The following SLC35F2 variants were observed in gnomAD, a reference collection of about 807,000 sequenced individuals.
SLC35F2 encodes the protein queuine/queuosine transporter SLC35F2.
Under a neutral mutation model 38.1 loss-of-function variants are expected in SLC35F2, and 25 were observed. The observed-to-expected ratio is 0.66, with a 90% CI of 0.48 to 0.92. The LOEUF (loss-of-function observed/expected upper bound fraction) is 0.92. Ranked by LOEUF, SLC35F2 falls within the 40% of genes least tolerant of loss-of-function variation. The pLI, the probability that SLC35F2 is intolerant of heterozygous loss-of-function variation, is 0.00. For missense variants in SLC35F2, 409 were observed against 452.9 expected (o/e 0.90, Z 0.88); for synonymous variants, 173 against 181.7 (o/e 0.95, Z 0.38).
At chr11:107,819,285 T>C (rs1265837136) in intron 1 of SLC35F2, among the ~76,000 whole-genome samples, 1 of 152,208 alleles carries the variant, frequency 6.6e-6, no homozygotes, top group East Asian at 1.9e-4. Flanking sequence ...TATTACTTCA[T>C]GTAGCTGAGT....
At chr11:107,794,522 A>G (rs983828734) in intron 7 of SLC35F2, among the ~76,000 whole-genome samples, 1 of 152,220 alleles carries the variant, frequency 6.6e-6, no homozygotes, top group African/African-American at 2.4e-5. Context: ...TTTCCTTTCA[A>G]CTGGAAAAGC....
intron 1 of SLC35F2, among the ~76,000 whole-genome samples, chr11:107,826,354 A>G (rs12292050): frequency 0.058 from 8,724 of 150,774 alleles, 516 homozygotes; most frequent in African/African-American, 0.15. Context: ...TGGGCTCACC[A>G]CAACCTCCGC....
At chr11:107,853,176 C>T (rs1042133569) in intron 1 of SLC35F2, among the ~76,000 whole-genome samples, 3 of 152,294 alleles carry the variant, frequency 2.0e-5, no homozygotes, top group African/African-American at 7.2e-5. Flanking sequence ...AAAACTCATT[C>T]AGGCTTCATA....
At chr11:107,799,887 GTT>G (rs72304654) in intron 7 of SLC35F2, among the ~76,000 whole-genome samples, 13,929 of 100,234 alleles carry the variant, frequency 0.14, 1,638 homozygotes, top group African/African-American at 0.37. Flanking sequence ...GTTTTTGTTT[GTT>G]TTTGTTTTTT....
intron 6 of SLC35F2, among the ~76,000 whole-genome samples, chr11:107,803,851 A>T (rs536883418): frequency 6.6e-6 from 1 of 151,358 alleles, no homozygotes; most frequent in African/African-American, 2.4e-5. Context: ...TTTGAGACGG[A>T]GTCTCGCACT....
chr11:107,813,679 C>T (rs1313815402), intron 2 of SLC35F2, among the ~76,000 whole-genome samples: 1 of 151,752 alleles, frequency 6.6e-6, no homozygotes, highest in African/African-American at 2.4e-5. Context: ...CTTTTTTTTC[C>T]TTTGGAGACA....
Position 107,791,150 on chromosome 11 carries a change from T to TATC in SLC35F2, c.*1462_*1464dup, listed in dbSNP as rs1474684586. ...ATATTAACACTTTGTATTGAAGAAGTATCATAAAAATCACAGGGCATTACA... is the reference window on the plus strand; with the variant it reads ...ATATTAACACTTTGTATTGAAGAAGTATCATCATAAAAATCACAGGGCATTACA... On this transcript the variant is annotated 3_prime_UTR_variant, in exon 8 of 8. Transcript: ENST00000525815. 9.8e-5 allele frequency: 15 copies of TATC among 152,352 alleles called. No homozygotes were observed. The highest frequency in any genetic ancestry group is 3.6e-4 in the African/African-American group (15 of 41,160). 9.4% of individuals were successfully genotyped at this position (152,352 alleles called of 1,614,324 possible).
In SLC35F2 at chr11:107,803,161, G is replaced by C; in HGVS notation, c.785-6C>G. ...AAATGCCACGAACAGCAGGGCTGTG[G>C]AAAAAAACATGGAATATCTAATATT... On this transcript the variant is annotated splice_polypyrimidine_tract_variant and splice_region_variant and intron_variant, in intron 6 of 7. Coordinates refer to ENST00000525815, the MANE Select transcript of SLC35F2 (RefSeq NM_017515.5). The C allele has an allele frequency of 6.3e-7, 1 of 1,588,552 alleles. No individual in the cohort carries two copies. The highest frequency in any genetic ancestry group is 1.2e-5 in the South Asian group (1 of 86,288).
rs71303238 is a variant in SLC35F2 at position 107,800,903 on chromosome 11, C to CTTTTTTTT, written c.939+2090_939+2097dup. Among the ~76,000 whole-genome samples, 14 of 126,172 alleles carry CTTTTTTTT rather than the reference C, an allele frequency of 1.1e-4. 1 individual carries two copies. The highest frequency in any genetic ancestry group is 7.6e-4 in the East Asian group (3 of 3,966). The allele number at this position is 126,172 out of a possible 152,430, so 82.8% of individuals were successfully genotyped here. On this transcript the variant is annotated intron_variant, in intron 7 of 7. Transcript: ENST00000525815. ...ATCTATACAGTGAAAGCTATTACTA[C>CTTTTTTTT]TTTTTTTTTTTTTTTTTTTTTTGAG...
chr11:107,831,058 C>A (rs578300), intron 1 of SLC35F2, among the ~76,000 whole-genome samples: 89,350 of 152,024 alleles, frequency 0.59, 28,533 homozygotes, highest in African/African-American at 0.87. Context: ...TGTCATATTC[C>A]TCTTTGTTTA....
chr11:107,855,977 C>T (rs1360757506), intron 1 of SLC35F2, among the ~76,000 whole-genome samples: 4 of 150,664 alleles, frequency 2.7e-5, no homozygotes, highest in South Asian at 4.2e-4. Context: ...TGGTGGCAGG[C>T]GCCTGTAATC....
At chr11:107,803,211 G>A (rs1371444691) in intron 6 of SLC35F2, 56 bp from the exon 7 acceptor site, 1 of 1,522,138 alleles carries the variant, frequency 6.6e-7, no homozygotes, top group Non-Finnish European at 8.8e-7. Context: ...TAAGACAAAG[G>A]AGTTTGAGGC....
At chr11:107,853,916 GTT>G (rs745318374) in intron 1 of SLC35F2, among the ~76,000 whole-genome samples, 14 of 151,838 alleles carry the variant, frequency 9.2e-5, no homozygotes, top group Non-Finnish European at 1.6e-4. Flanking sequence ...AGGAATACGC[GTT>G]TTTAAAATAT....
chr11:107,811,653 G>A lies in SLC35F2; in HGVS notation c.414+14C>T, dbSNP rs370381766. On this transcript the variant is annotated intron_variant, in intron 3 of 7. Transcript: ENST00000525815. ...AGCTATAAAATCCAAAGTGGTCAGA[G>A]GGCTCCCTCTTACCTGGACACTGGT... 1 of 1,599,544 alleles carries A rather than the reference G, an allele frequency of 6.3e-7. No homozygotes were observed. Among genetic ancestry groups the A allele is most frequent in the Non-Finnish European group, 8.5e-7 (1 of 1,173,474 alleles).
intron 1 of SLC35F2, among the ~76,000 whole-genome samples, chr11:107,821,036 C>G (rs1281151358): frequency 6.6e-6 from 1 of 152,172 alleles, no homozygotes; most frequent in Non-Finnish European, 1.5e-5. Context: ...GGCCTGATCT[C>G]TCTCCTCCCA....
chr11:107,810,046 G>A (rs1859458987), intron 3 of SLC35F2: 2 of 985,390 alleles, frequency 2.0e-6, no homozygotes, highest in Non-Finnish European at 2.4e-6. Context: ...TCCTTAAGAA[G>A]AAGGTTCAAA....
intron 7 of SLC35F2, among the ~76,000 whole-genome samples, chr11:107,800,616 G>C (rs568887808): frequency 6.6e-6 from 1 of 152,282 alleles, no homozygotes; most frequent in Non-Finnish European, 1.5e-5. Flanking sequence ...CTGTCAGCCA[G>C]GCTGGAGTGC....
intron 7 of SLC35F2, among the ~76,000 whole-genome samples, chr11:107,798,320 GA>G (rs1467757668): frequency 3.9e-5 from 6 of 152,116 alleles, no homozygotes; most frequent in African/African-American, 1.4e-4. Flanking sequence ...TTGGTATTTT[GA>G]AAGGTAATCT....
chr11:107,851,704 A>G (rs1860189735), intron 1 of SLC35F2, among the ~76,000 whole-genome samples: 2 of 152,122 alleles, frequency 1.3e-5, no homozygotes, highest in African/African-American at 2.4e-5. Flanking sequence ...ATCAGAATAT[A>G]CAATGGCCAT....
Sources: gnomAD v4.1 joint callset for allele counts (sites outside exome capture counted in the v4.1 genomes callset) on GRCh38, gnomAD v4.1.1 for gene constraint, MANE v1.5 for transcripts, NCBI Gene and HGNC (gene_info 2026-07-23, HGNC 2026-07-21) for gene names.